The following DNAH7 variants were observed in gnomAD, a reference collection of about 807,000 sequenced individuals.
The protein encoded by DNAH7 is axonemal beta dynein heavy chain 7.
Under a neutral mutation model 444.6 loss-of-function variants are expected in DNAH7, and 397 were observed. The ratio of observed to expected loss-of-function variants is 0.89; its 90% CI spans 0.82 to 0.97. The LOEUF is 0.97. Among genes scored for constraint, DNAH7 ranks in the 50% least tolerant of loss-of-function variants. The pLI is 0.00. For synonymous variants in DNAH7, 1,636 were observed against 1,624.4 expected (o/e 1.01, Z -0.17); for missense variants, 4,902 against 4,800.8 (o/e 1.02, Z -0.62).
intron 38 of DNAH7, among the ~76,000 whole-genome samples, chr2:195,874,596 T>C (rs1700917127): frequency 7.0e-6 from 1 of 142,036 alleles, no homozygotes. Flanking sequence ...TATGGTCTTT[T>C]ATTTAAAAAA....
At chr2:196,065,506 C>T (rs1372161213) in intron 1 of DNAH7, among the ~76,000 whole-genome samples, 2 of 152,214 alleles carry the variant, frequency 1.3e-5, no homozygotes, top group African/African-American at 4.8e-5. Context: ...CTTCTTCCTG[C>T]TCTGTGCCTG....
rs546482514 is a variant in DNAH7, at chr2:195,956,516, T to G, written c.3078+745A>C. Among the ~76,000 whole-genome samples the G allele has an allele frequency of 3.9e-5, 6 of 152,178 alleles. No individual in the cohort carries two copies. In the East Asian group the frequency reaches 1.2e-3, roughly 29 times the overall value. On this transcript the variant is annotated intron_variant, in intron 19 of 64. Coordinates refer to ENST00000312428, the MANE Select transcript of DNAH7 (RefSeq NM_018897.3). The stretch of plus-strand genomic sequence containing the variant: ...AAATACAAAAATTAGCTGGGCATGG[T>G]GGCACACACCTGTAATCTCAGTTAC...
At chr2:195,776,081 A>G in intron 59 of DNAH7, 98 bp from the exon 60 acceptor site, 1 of 1,441,440 alleles carries the variant, frequency 6.9e-7, no homozygotes, top group Non-Finnish European at 9.5e-7. Context: ...CAAGTTATTG[A>G]CTGGATAGGC....
At chr2:195,911,921 T>C (rs1045083131) in intron 24 of DNAH7, among the ~76,000 whole-genome samples, 1 of 152,178 alleles carries the variant, frequency 6.6e-6, no homozygotes, top group Admixed American at 6.5e-5. Flanking sequence ...AAGAAAATGA[T>C]AAAAATTTTT....
At chr2:195,817,601 A>G (rs1697284900) in intron 50 of DNAH7, 95 bp downstream of exon 50, 2 of 1,306,522 alleles carry the variant, frequency 1.5e-6, no homozygotes, top group Non-Finnish European at 2.0e-6. Flanking sequence ...CAGTATTCCT[A>G]TTAAATCTAA....
intron 17 of DNAH7, among the ~76,000 whole-genome samples, chr2:195,966,629 CCA>C (rs1312254339): frequency 6.6e-6 from 1 of 152,140 alleles, no homozygotes. Context: ...TCTGGGCACT[CCA>C]GTGTTTGTTG....
chr2:196,058,152 T>C (rs1423031584), intron 1 of DNAH7, 36 bp from the exon 2 acceptor site: 6 of 1,530,720 alleles, frequency 3.9e-6, no homozygotes, highest in Non-Finnish European at 5.3e-6. Flanking sequence ...AACTGTTTAC[T>C]CCGTTAATGC....
chr2:195,812,504 CT>C (rs1453736605), intron 51 of DNAH7, among the ~76,000 whole-genome samples: 4 of 152,044 alleles, frequency 2.6e-5, no homozygotes, highest in African/African-American at 9.7e-5. Context: ...TTTTATTTTG[CT>C]TGCTACATAA....
chr2:195,908,142 C>A (rs1203128818), intron 25 of DNAH7, among the ~76,000 whole-genome samples: 2 of 151,910 alleles, frequency 1.3e-5, no homozygotes, highest in Non-Finnish European at 2.9e-5. Context: ...CAATATATAC[C>A]AGACATTTCT....
chr2:195,790,412 C>T (rs577594750), intron 57 of DNAH7, among the ~76,000 whole-genome samples: 8 of 150,326 alleles, frequency 5.3e-5, no homozygotes, highest in African/African-American at 7.3e-5. Flanking sequence ...TCGTATTCCC[C>T]AACTTTAAAT....
chr2:196,032,114 C>T (rs1474038455), intron 5 of DNAH7, among the ~76,000 whole-genome samples: 1 of 152,134 alleles, frequency 6.6e-6, no homozygotes, highest in Non-Finnish European at 1.5e-5. Flanking sequence ...AGGCAAAAGG[C>T]ACTTCTTACA....
At chr2:195,739,472 T>C (rs913843463) in intron 64 of DNAH7, among the ~76,000 whole-genome samples, 1 of 152,226 alleles carries the variant, frequency 6.6e-6, no homozygotes, top group African/African-American at 2.4e-5. Flanking sequence ...TCTTAAGCCA[T>C]TTTCTCATGA....
At chr2:195,944,826 A>G (rs1372304400) in intron 19 of DNAH7, among the ~76,000 whole-genome samples, 2 of 152,052 alleles carry the variant, frequency 1.3e-5, no homozygotes, top group South Asian at 4.1e-4. Context: ...TAAAACTGCA[A>G]ATTATACCAT....
In DNAH7 at chr2:195,831,451, T is replaced by C. The variant is rs138207406; in HGVS notation, c.9100+2755A>G. Among the ~76,000 whole-genome samples, 32 of 152,342 alleles carry C rather than the reference T, an allele frequency of 2.1e-4. No individual in the cohort carries two copies. The East Asian group carries it at 6.2e-3, about 29-fold the overall frequency. On this transcript the variant is annotated intron_variant, in intron 48 of 64. Transcript: ENST00000312428. ...TGAGGGACAATAGATCAAAAGCCAC[T>C]GACTCTGAAGAGGCCAATATCTAAA...
intron 54 of DNAH7, among the ~76,000 whole-genome samples, chr2:195,800,883 CTCATGTT>C (rs532530092): frequency 4.0e-4 from 61 of 152,306 alleles, no homozygotes; most frequent in African/African-American, 1.5e-3. Context: ...GAAAAATCCA[CTCATGTT>C]TCATGTTTCA....
At chr2:195,861,538 A>G (rs1700015653) in intron 42 of DNAH7, among the ~76,000 whole-genome samples, 179 bp downstream of exon 42, 1 of 152,208 alleles carries the variant, frequency 6.6e-6, no homozygotes, top group South Asian at 2.1e-4. Flanking sequence ...TGCCCATATG[A>G]GAAGGATAAG....
At chr2:195,810,077 AG>A (rs1232347223) in intron 51 of DNAH7, among the ~76,000 whole-genome samples, 1 of 151,650 alleles carries the variant, frequency 6.6e-6, no homozygotes, top group African/African-American at 2.4e-5. Flanking sequence ...CTGTGGACTG[AG>A]TTTTTTTTTT....
chr2:195,871,843 A>C (rs1158721398), intron 40 of DNAH7, among the ~76,000 whole-genome samples: 1 of 108,040 alleles, frequency 9.3e-6, no homozygotes, highest in Non-Finnish European at 1.7e-5. Context: ...AGGCAGGAGA[A>C]TGGCGTGAAC....
chr2:196,017,677 A>G (rs1412156262), intron 9 of DNAH7, among the ~76,000 whole-genome samples: 8 of 149,982 alleles, frequency 5.3e-5, no homozygotes, highest in African/African-American at 2.0e-4. Flanking sequence ...TTAATCCATG[A>G]CAAAGGTGAT....
Sources: gnomAD v4.1 joint callset for allele counts (sites outside exome capture counted in the v4.1 genomes callset) on GRCh38, gnomAD v4.1.1 for gene constraint, MANE v1.5 for transcripts, NCBI Gene and HGNC (gene_info 2026-07-23, HGNC 2026-07-21) for gene names.